Variants in MDGA2 observed in about 807,000 individuals in gnomAD.
The protein encoded by MDGA2 is MAM domain containing glycosylphosphatidylinositol anchor 2.
In MDGA2, 40 loss-of-function variants were observed where a neutral mutation model predicts 117.8. That is an observed-to-expected ratio of 0.34 (90% CI 0.26 to 0.44). The LOEUF is 0.44. MDGA2 is among the 20% of genes least tolerant of loss of function. The pLI, the probability that MDGA2 is intolerant of heterozygous loss-of-function variation, is 1.00. For synonymous variants in MDGA2, 452 were observed against 439.0 expected (o/e 1.03, Z -0.37); for missense variants, 1,123 against 1,250.6 (o/e 0.90, Z 1.54).
chr14:46,983,635 A>G (rs1232480517), intron 8 of MDGA2, among the ~76,000 whole-genome samples: 3 of 152,154 alleles, frequency 2.0e-5, no homozygotes, highest in Non-Finnish European at 4.4e-5. Context: ...ATGAATTTCA[A>G]TATCTTCCTG....
intron 1 of MDGA2, among the ~76,000 whole-genome samples, chr14:47,658,273 C>T (rs1179335991): frequency 6.6e-6 from 1 of 152,100 alleles, no homozygotes; most frequent in Non-Finnish European, 1.5e-5. Context: ...CAGTGACCCA[C>T]TTTAAGTATG....
intron 6 of MDGA2, among the ~76,000 whole-genome samples, chr14:47,080,614 C>G (rs1445400433): frequency 1.3e-5 from 2 of 152,166 alleles, no homozygotes; most frequent in Non-Finnish European, 2.9e-5. Flanking sequence ...TGGTCACAGT[C>G]AGCAAAAGCT....
At chr14:46,962,528 C>A (rs1214091524) in intron 8 of MDGA2, among the ~76,000 whole-genome samples, 1 of 152,128 alleles carries the variant, frequency 6.6e-6, no homozygotes, top group Non-Finnish European at 1.5e-5. Flanking sequence ...TCAGCAAATA[C>A]CCTCAAGGCA....
chr14:47,063,637 T>G (rs1039137700), intron 6 of MDGA2, among the ~76,000 whole-genome samples: 4 of 152,062 alleles, frequency 2.6e-5, no homozygotes, highest in African/African-American at 7.2e-5. Flanking sequence ...TTACTTTTAT[T>G]AGCACCATAA....
intron 3 of MDGA2, among the ~76,000 whole-genome samples, chr14:47,217,170 G>C (rs2139507713): frequency 6.6e-6 from 1 of 152,098 alleles, no homozygotes; most frequent in East Asian, 1.9e-4. Flanking sequence ...AAAGAAAGGG[G>C]AAAGAAAGGA....
Position 46,841,446 on chromosome 14 carries a change from G to A in MDGA2, c.*485C>T, listed in dbSNP as rs1880606045. 6.6e-6 allele frequency: 1 copy of A among 152,450 alleles called. No individual in the cohort carries two copies. Among genetic ancestry groups the A allele is most frequent in the Admixed American group, 6.6e-5 (1 of 15,232 alleles). 9.4% of individuals were successfully genotyped at this position (152,450 alleles called of 1,614,324 possible). A position where few individuals can be genotyped will look rare whatever the true frequency, so the allele number is the denominator to read the frequency against. Reference sequence around the variant, plus strand: ...GGCCTACATTTATTTAATTCTCTACGAAAACCTTCTCGTAAGGAAAATAAA... The same window carrying A: ...GGCCTACATTTATTTAATTCTCTACAAAAACCTTCTCGTAAGGAAAATAAA... On this transcript the variant is annotated 3_prime_UTR_variant, in exon 17 of 17. Transcript: ENST00000399232.
chr14:47,160,651 C>T (rs943177255), intron 3 of MDGA2, among the ~76,000 whole-genome samples: 30 of 152,152 alleles, frequency 2.0e-4, no homozygotes, highest in African/African-American at 6.0e-4. Flanking sequence ...GACCACAGAG[C>T]GAGACCTGTC....
At chr14:47,132,715 G>A (rs1882264284) in intron 4 of MDGA2, among the ~76,000 whole-genome samples, 1 of 151,848 alleles carries the variant, frequency 6.6e-6, no homozygotes, top group African/African-American at 2.4e-5. Context: ...AGTTCTTCTT[G>A]TAAATAACTT....
At chr14:46,965,301 G>A (rs1025242821) in intron 8 of MDGA2, among the ~76,000 whole-genome samples, 3 of 142,314 alleles carry the variant, frequency 2.1e-5, no homozygotes, top group Non-Finnish European at 3.0e-5. Flanking sequence ...CCAGCAATGG[G>A]GGTTTTTCTA....
intron 2 of MDGA2, chr14:47,299,426 A>T (rs1889200941): frequency 6.6e-6 from 1 of 152,184 alleles, no homozygotes; most frequent in Admixed American, 6.5e-5. Context: ...AACCTCAATG[A>T]GTCTTCTCTT....
chr14:47,372,408 G>A (rs973908881), intron 1 of MDGA2, among the ~76,000 whole-genome samples: 5 of 151,764 alleles, frequency 3.3e-5, no homozygotes, highest in Non-Finnish European at 7.4e-5. Context: ...ATAGAAAAAG[G>A]GCAAAGGAAA....
At chr14:47,030,091 G>A (rs902463350) in intron 8 of MDGA2, among the ~76,000 whole-genome samples, 2 of 151,980 alleles carry the variant, frequency 1.3e-5, no homozygotes, top group Admixed American at 6.5e-5. Context: ...CTCCCAGAGC[G>A]CTGGGATTAC....
intron 8 of MDGA2, among the ~76,000 whole-genome samples, chr14:47,013,329 C>A (rs1178913404): frequency 6.6e-6 from 1 of 152,126 alleles, no homozygotes; most frequent in Non-Finnish European, 1.5e-5. Context: ...AAACCACTTT[C>A]TTTGCTTATC....
Position 47,301,270 on chromosome 14 carries a change from T to C in MDGA2, c.420+141A>G, listed in dbSNP as rs1020152927. 88 of 768,754 alleles carry C rather than the reference T, an allele frequency of 1.1e-4. No individual in the cohort carries two copies. The Middle Eastern group carries it at 2.0e-3, about 17-fold the overall frequency. 47.6% of individuals were successfully genotyped at this position (768,754 alleles called of 1,614,324 possible). A position where few individuals can be genotyped will look rare whatever the true frequency, so the allele number is the denominator to read the frequency against. On this transcript the variant is annotated intron_variant, in intron 2 of 16. Transcript: ENST00000399232. Reference sequence around the variant, plus strand: ...GTTGCACATATACTTGCACTTGAGTTACACACACACACACCCACACCCACC... The same window carrying C: ...GTTGCACATATACTTGCACTTGAGTCACACACACACACACCCACACCCACC...
intron 1 of MDGA2, among the ~76,000 whole-genome samples, chr14:47,459,483 C>T (rs1188410671): frequency 1.3e-5 from 2 of 150,168 alleles, no homozygotes; most frequent in African/African-American, 4.9e-5. Context: ...CTTTCCCTTC[C>T]TTCCTTCCTT....
At position 47,061,383 on chromosome 14, in the gene MDGA2, A is replaced by G; in HGVS notation, c.1391T>C (p.Val464Ala). ...RMVITQTDPD[V>A]SPGTTNLDII... ...GTCCAAGTTTGTTGTTCCCGGAGAG[A>G]CATCAGGATCAGTCTGTGTAATGAC... The change falls in exon 7 of 17, where the codon GTC becomes GCC. Residue 464 changes from valine (V) to alanine (A), a missense_variant. Physicochemically the swap from Val to Ala is moderately conservative, Grantham distance 64. Coordinates refer to ENST00000399232, the MANE Select transcript of MDGA2 (RefSeq NM_001113498.3). The G allele has an allele frequency of 6.2e-7, 1 of 1,613,660 alleles. No individual in the cohort carries two copies. Among genetic ancestry groups the G allele is most frequent in the African/African-American group, 1.3e-5 (1 of 75,018 alleles).
At chr14:46,940,704 T>G (rs1884967037) in intron 9 of MDGA2, among the ~76,000 whole-genome samples, 1 of 151,358 alleles carries the variant, frequency 6.6e-6, no homozygotes, top group African/African-American at 2.4e-5. Context: ...ATTGGTTGAG[T>G]GTGTGCGTGG....
chr14:47,577,375 C>A (rs1411565620), intron 1 of MDGA2, among the ~76,000 whole-genome samples: 1 of 152,102 alleles, frequency 6.6e-6, no homozygotes, highest in East Asian at 1.9e-4. Context: ...AGGACATAGG[C>A]ACGGGCAAAG....
chr14:47,337,647 A>G (rs1890500516), intron 1 of MDGA2, among the ~76,000 whole-genome samples: 1 of 152,044 alleles, frequency 6.6e-6, no homozygotes, highest in Non-Finnish European at 1.5e-5. Flanking sequence ...AAAAGAAATC[A>G]GATATTTGAT....
Sources: allele counts gnomAD v4.1 joint callset (sites outside exome capture counted in the v4.1 genomes callset), GRCh38; gene constraint gnomAD v4.1.1; transcripts MANE v1.5; gene names NCBI Gene and HGNC (gene_info 2026-07-23, HGNC 2026-07-21).